ZNF619: variants seen among roughly 807,000 people sequenced by gnomAD.
ZNF619 encodes zinc finger protein 619.
Under a neutral mutation model 14.2 loss-of-function variants are expected in ZNF619, and 9 were observed. The ratio of observed to expected loss-of-function variants is 0.64; its 90% CI spans 0.38 to 1.11. The LOEUF is 1.11. ZNF619 is among the 50% of genes least tolerant of loss of function. ZNF619 has a pLI of 0.01. For synonymous variants in ZNF619, 246 were observed against 252.8 expected (o/e 0.97, Z 0.26); for missense variants, 659 against 680.1 (o/e 0.97, Z 0.34).
At position 40,477,946 on chromosome 3, in the gene ZNF619, A is replaced by G. The variant is rs540830471; in HGVS notation, c.-34A>G. On this transcript the variant is annotated 5_prime_UTR_variant, in exon 2 of 5. Coordinates refer to ENST00000432264, the MANE Select transcript of ZNF619 (RefSeq NM_001145093.4). Reference sequence around the variant, plus strand: ...CGCAGGTTCTTACTTTTTCAAACCTAGAGGGCAGTGCATGAAGCCAGGGGT... The same window carrying G: ...CGCAGGTTCTTACTTTTTCAAACCTGGAGGGCAGTGCATGAAGCCAGGGGT... The G allele has an allele frequency of 3.9e-5, 61 of 1,553,402 alleles. No homozygotes were observed. In the South Asian group the frequency reaches 6.3e-4, roughly 16 times the overall value.
chr3:40,482,041 C>T (rs756742759), intron 3 of ZNF619, 25 bp downstream of exon 3: 2 of 1,577,440 alleles, frequency 1.3e-6, no homozygotes, highest in Non-Finnish European at 1.7e-6. Flanking sequence ...CTCTCTGAAA[C>T]TCAGCTTCTG....
At chr3:40,483,134 A>G (rs1462313856) in intron 4 of ZNF619, among the ~76,000 whole-genome samples, 1 of 152,186 alleles carries the variant, frequency 6.6e-6, no homozygotes, top group Admixed American at 6.6e-5. Flanking sequence ...CCCTTGAGCC[A>G]GGAGTTTGAG....
intron 4 of ZNF619, among the ~76,000 whole-genome samples, chr3:40,484,082 C>A (rs997510919): frequency 1.3e-5 from 2 of 152,148 alleles, no homozygotes; most frequent in African/African-American, 4.8e-5. Context: ...CCCGCCACCA[C>A]ACCCGGCTAA....
chr3:40,488,180 A>T lies in ZNF619; in HGVS notation c.1670A>T (p.Asp557Val), dbSNP rs202081147. ...SPVQIAHFFQ[D>V]LAFPGKSSLQ... ...GTCCAAATAGCACATTTTTTTCAGG[A>T]TCTCGCTTTTCCTGGGAAGTCATCC... The change falls in exon 5 of 5, where the codon GAT becomes GTT. Residue 557 changes from aspartate (D) to valine (V), a missense_variant. Asp to Val is a radical substitution (Grantham distance 152, BLOSUM62 -3). Transcript: ENST00000432264. 1,162 of 1,612,796 alleles carry T rather than the reference A, an allele frequency of 7.2e-4. 2 individuals are homozygous for T. The highest frequency in any genetic ancestry group is 9.1e-4 in the Non-Finnish European group (1,068 of 1,179,390).
In ZNF619 at chr3:40,489,978, T is replaced by G. The variant is rs528925484; in HGVS notation, c.*1737T>G. 1 of 152,326 alleles carries G rather than the reference T, an allele frequency of 6.6e-6. No individual in the cohort carries two copies. Among genetic ancestry groups the G allele is most frequent in the East Asian group, 1.9e-4 (1 of 5,186 alleles). 9.4% of individuals were successfully genotyped at this position (152,326 alleles called of 1,614,324 possible). ...TGAAACTTAATCCCCATTGTAACAG[T>G]ACTGGGTGGGGGGTCTTTAAGAGGT... On this transcript the variant is annotated 3_prime_UTR_variant, in exon 5 of 5. Coordinates refer to ENST00000432264, the MANE Select transcript of ZNF619 (RefSeq NM_001145093.4).
intron 3 of ZNF619, 123 bp from the exon 4 acceptor site, chr3:40,482,465 C>A: frequency 6.4e-7 from 1 of 1,560,814 alleles, no homozygotes; most frequent in Admixed American, 1.7e-5. Flanking sequence ...ATTCACTCCT[C>A]CCTGACTTCA....
Position 40,487,295 on chromosome 3 carries a change from G to T in ZNF619, c.785G>T (p.Cys262Phe). The change falls in exon 5 of 5, where the codon TGT (cysteine) becomes TTT (phenylalanine). Residue 262 changes from cysteine (C) to phenylalanine (F), a missense_variant. Cys to Phe is a radical substitution (Grantham distance 205). Coordinates refer to ENST00000432264, the MANE Select transcript of ZNF619 (RefSeq NM_001145093.4). The stretch of plus-strand genomic sequence containing the variant: ...CACACTGGAGAGAAACCATACTCAT[G>T]TGAGGAATGTGGACAAGCCTTCAGT... Reference protein sequence around the residue: ...KIHTGEKPYSCEECGQAFSQN... With the variant: ...KIHTGEKPYSFEECGQAFSQN... The T allele has an allele frequency of 6.2e-7, 1 of 1,614,164 alleles. No individual in the cohort carries two copies. Among genetic ancestry groups the T allele is most frequent in the Non-Finnish European group, 8.5e-7 (1 of 1,180,028 alleles).
rs1697667930 is a variant in ZNF619 at position 40,487,825 on chromosome 3, C to G, written c.1315C>G (p.Gln439Glu). ...ECQECGKTFS[Q>E]KITLVQHQRV... is the part of the protein sequence containing the mutation. ...CCAGGAATGTGGGAAGACATTCAGT[C>G]AAAAGATCACTCTGGTTCAGCATCA... Residue 439 changes from glutamine to glutamate, a missense_variant, in exon 5 of 5, where the codon CAA (glutamine) becomes GAA (glutamate). Physicochemically the swap from Gln to Glu is conservative, Grantham distance 29. Coordinates refer to ENST00000432264, the MANE Select transcript of ZNF619 (RefSeq NM_001145093.4). 2 of 1,613,674 alleles carry G rather than the reference C, an allele frequency of 1.2e-6. No homozygotes were observed. The highest frequency in any genetic ancestry group is 2.7e-5 in the African/African-American group (2 of 74,772).
At position 40,488,186 on chromosome 3, in the gene ZNF619, C is replaced by A. The variant is rs1256598096; in HGVS notation, c.1676C>A (p.Ala559Asp). 1 of 1,611,768 alleles carries A rather than the reference C, an allele frequency of 6.2e-7. No individual in the cohort carries two copies. Among genetic ancestry groups the A allele is most frequent in the African/African-American group, 1.3e-5 (1 of 74,856 alleles). ...VQIAHFFQDL[A>D]FPGKSSLQSP... ...ATAGCACATTTTTTTCAGGATCTCGCTTTTCCTGGGAAGTCATCCCTTCAG... is the reference window on the plus strand; with the variant it reads ...ATAGCACATTTTTTTCAGGATCTCGATTTTCCTGGGAAGTCATCCCTTCAG... The change falls in exon 5 of 5, where the codon GCT becomes GAT. Residue 559 changes from alanine (A) to aspartate (D), a missense_variant. Coordinates refer to ENST00000432264, the MANE Select transcript of ZNF619 (RefSeq NM_001145093.4).
chr3:40,483,742 C>A, intron 4 of ZNF619: 1 of 400,044 alleles, frequency 2.5e-6, no homozygotes, highest in Non-Finnish European at 5.0e-6. Flanking sequence ...GATTCTCCTG[C>A]CTCAACCTCC....
In ZNF619 at chr3:40,489,861, A is replaced by G. The variant is rs950852867; in HGVS notation, c.*1620A>G. 3.2e-4 allele frequency: 49 copies of G among 152,308 alleles called. 1 individual carries two copies. The highest frequency in any genetic ancestry group is 1.2e-3 in the African/African-American group (49 of 41,560). The allele number at this position is 152,308 out of a possible 1,614,324, so 9.4% of individuals were successfully genotyped here. ...TGAATTTTATTGGTGGCACTTTTAA[A>G]TTAGTTTTATAAAGAACTGTTTTGA... On this transcript the variant is annotated 3_prime_UTR_variant, in exon 5 of 5. Coordinates refer to ENST00000432264, the MANE Select transcript of ZNF619 (RefSeq NM_001145093.4).
Position 40,482,773 on chromosome 3 carries a change from A to G in ZNF619, c.295+69A>G, listed in dbSNP as rs1374975248. 3.2e-6 allele frequency: 4 copies of G among 1,263,904 alleles called. No homozygotes were observed. The East Asian group carries it at 9.3e-5, about 29-fold the overall frequency. 78.3% of individuals were successfully genotyped at this position (1,263,904 alleles called of 1,614,324 possible). The stretch of plus-strand genomic sequence containing the variant: ...TCCTTTCTTTTAACAATTTAGCATG[A>G]AAAAGGTTTTTCCTTGTCATATGAT... On this transcript the variant is annotated intron_variant, in intron 4 of 4. Transcript: ENST00000432264.
chr3:40,488,324 GGTCTT>G lies in ZNF619; in HGVS notation c.*91_*95del, dbSNP rs999099729. On this transcript the variant is annotated 3_prime_UTR_variant, in exon 5 of 5. Transcript: ENST00000432264. ...TGATTGTGTCTATTGATATTCCTCTGGTCTTGTCTTGTATAAGTTGTTACTGTTTT... is the reference window on the plus strand; with the variant it reads ...TGATTGTGTCTATTGATATTCCTCTGGTCTTGTATAAGTTGTTACTGTTTT... 1.2e-5 allele frequency: 9 copies of G among 731,454 alleles called. No homozygotes were observed. The highest frequency in any genetic ancestry group is 1.1e-4 in the African/African-American group (6 of 56,694). 45.3% of individuals were successfully genotyped at this position (731,454 alleles called of 1,614,324 possible).
In ZNF619 at chr3:40,490,580, C is replaced by A. The variant is rs929808479; in HGVS notation, c.*2339C>A. Among the ~76,000 whole-genome samples the A allele has an allele frequency of 3.3e-5, 5 of 152,244 alleles. No homozygotes were observed. The highest frequency in any genetic ancestry group is 9.6e-5 in the African/African-American group (4 of 41,526). ...CTCTGTCACCCCTGAGATGGCAAGA[C>A]CAGTCTCCCTCCTCTCCCCTTCTCA... is the stretch of plus-strand genomic sequence containing the variant. On this transcript the variant is annotated 3_prime_UTR_variant, in exon 5 of 5. Coordinates refer to ENST00000432264, the MANE Select transcript of ZNF619 (RefSeq NM_001145093.4).
chr3:40,483,552 A>G (rs1328243228), intron 4 of ZNF619: 1 of 425,348 alleles, frequency 2.4e-6, no homozygotes, highest in Non-Finnish European at 4.7e-6. Flanking sequence ...CGGCCTCCCA[A>G]AGTGCTGGGA....
At position 40,488,390 on chromosome 3, in the gene ZNF619, A is replaced by G; in HGVS notation, c.*149A>G. 1.7e-6 allele frequency: 1 copy of G among 590,884 alleles called. No homozygotes were observed. The highest frequency in any genetic ancestry group is 3.0e-6 in the Non-Finnish European group (1 of 334,450). The allele number at this position is 590,884 out of a possible 1,614,324, so 36.6% of individuals were successfully genotyped here. A position where few individuals can be genotyped will look rare whatever the true frequency, so the allele number is the denominator to read the frequency against. On this transcript the variant is annotated 3_prime_UTR_variant, in exon 5 of 5. Coordinates refer to ENST00000432264, the MANE Select transcript of ZNF619 (RefSeq NM_001145093.4). ...TTTTAAATTCTCACGCTTAAGGACCATGTTTGATTAGTTTCTTTTATCCCC... is the reference window on the plus strand; with the variant it reads ...TTTTAAATTCTCACGCTTAAGGACCGTGTTTGATTAGTTTCTTTTATCCCC...
chr3:40,482,046 C>T (rs2125637097), intron 3 of ZNF619, 30 bp downstream of exon 3: 2 of 1,573,722 alleles, frequency 1.3e-6, no homozygotes, highest in Middle Eastern at 3.4e-4. Context: ...TGAAACTCAG[C>T]TTCTGCCCTT....
chr3:40,478,090 A>C, intron 2 of ZNF619, 87 bp downstream of exon 2: 1,222 of 1,305,984 alleles, frequency 9.4e-4, no homozygotes, highest in Non-Finnish European at 1.2e-3. Context: ...GGCCAGTCTC[A>C]TGCTTAGTTT....
chr3:40,477,907 TTC>T lies in ZNF619; in HGVS notation c.-62-5_-62-4del. On this transcript the variant is annotated splice_polypyrimidine_tract_variant and intron_variant, in intron 1 of 4. Coordinates refer to ENST00000432264, the MANE Select transcript of ZNF619 (RefSeq NM_001145093.4). ...ACGAGACAGATCAGTCTCATTGTGG[TTC>T]TCTCTTAGCTCCGCAGGTTCTTACT... 1 of 1,455,544 alleles carries T rather than the reference TTC, an allele frequency of 6.9e-7. No homozygotes were observed. The highest frequency in any genetic ancestry group is 9.4e-7 in the Non-Finnish European group (1 of 1,060,294). The allele number at this position is 1,455,544 out of a possible 1,614,324, so 90.2% of individuals were successfully genotyped here. A position where few individuals can be genotyped will look rare whatever the true frequency, so the allele number is the denominator to read the frequency against.
Sources: allele counts gnomAD v4.1 joint callset (sites outside exome capture counted in the v4.1 genomes callset), GRCh38; gene constraint gnomAD v4.1.1; transcripts MANE v1.5; gene names NCBI Gene and HGNC (gene_info 2026-07-23, HGNC 2026-07-21).